Variants in BAG4 observed in about 807,000 individuals in gnomAD.
BAG4 encodes the protein BAG family molecular chaperone regulator 4.
A neutral mutation model predicts 52.1 loss-of-function variants in BAG4; 28 were observed. The ratio of observed to expected loss-of-function variants is 0.54; its 90% CI spans 0.40 to 0.74. The LOEUF (loss-of-function observed/expected upper bound fraction) is 0.74, where lower values mean the gene tolerates loss of function less well. Among genes scored for constraint, BAG4 ranks in the 30% least tolerant of loss-of-function variants. The pLI, the probability that BAG4 is intolerant of heterozygous loss-of-function variation, is 0.00. For missense variants in BAG4, 525 were observed against 572.0 expected (o/e 0.92, Z 0.84); for synonymous variants, 208 against 217.0 (o/e 0.96, Z 0.37).
chr8:38,181,017 C>T (rs189415420), intron 1 of BAG4, among the ~76,000 whole-genome samples: 104 of 151,348 alleles, frequency 6.9e-4, no homozygotes, highest in African/African-American at 2.4e-3. Flanking sequence ...CTCGGCTCAC[C>T]GCAAGCTCCG....
rs1803845031 is a variant in BAG4 at position 38,210,285 on chromosome 8, A to C, written c.1166A>C (p.Lys389Thr). The change falls in exon 5 of 5, where the codon AAG (lysine) becomes ACG (threonine). Residue 389 changes from lysine to threonine, a missense_variant. Lys to Thr is a moderately conservative substitution (Grantham distance 78). Transcript: ENST00000287322. ...SIKKIIHVLE[K>T]VQYLEQEVEE... ...AAAAAAATCATACATGTGCTGGAGA[A>C]GGTCCAGTATCTTGAACAAGAAGTA... is the stretch of plus-strand genomic sequence containing the variant. 1.9e-6 allele frequency: 3 copies of C among 1,614,112 alleles called. No homozygotes were observed. Among genetic ancestry groups the C allele is most frequent in the Non-Finnish European group, 2.5e-6 (3 of 1,180,046 alleles).
chr8:38,190,619 G>GTTA (rs1803458584), intron 1 of BAG4, among the ~76,000 whole-genome samples: 5 of 147,838 alleles, frequency 3.4e-5, no homozygotes, highest in Non-Finnish European at 6.0e-5. Flanking sequence ...TTTTTTTTTG[G>GTTA]GTAAAGACTG....
intron 2 of BAG4, among the ~76,000 whole-genome samples, chr8:38,196,309 A>G (rs1346109637): frequency 1.3e-5 from 2 of 152,164 alleles, no homozygotes; most frequent in Non-Finnish European, 2.9e-5. Context: ...TCAGCAATGT[A>G]TGAGGGCTCT....
At chr8:38,199,422 C>A (rs1188111992) in intron 2 of BAG4, among the ~76,000 whole-genome samples, 1 of 152,102 alleles carries the variant, frequency 6.6e-6, no homozygotes, top group Non-Finnish European at 1.5e-5. Context: ...TAATTTTGAT[C>A]AAGTGCAATT....
intron 2 of BAG4, among the ~76,000 whole-genome samples, chr8:38,197,742 C>G (rs1803587037): frequency 6.6e-6 from 1 of 152,184 alleles, no homozygotes; most frequent in African/African-American, 2.4e-5. Context: ...CTCTGTCCCC[C>G]AGACTGGGGT....
At chr8:38,197,377 T>C (rs1803579295) in intron 2 of BAG4, among the ~76,000 whole-genome samples, 1 of 152,208 alleles carries the variant, frequency 6.6e-6, no homozygotes, top group Non-Finnish European at 1.5e-5. Flanking sequence ...TACTGAATAC[T>C]GTAAGCAATT....
At position 38,207,654 on chromosome 8, in the gene BAG4, G is replaced by A. The variant is rs770285002; in HGVS notation, c.521G>A (p.Arg174His). 8.7e-6 allele frequency: 14 copies of A among 1,613,910 alleles called. No homozygotes were observed. Among genetic ancestry groups the A allele is most frequent in the Middle Eastern group, 1.6e-4 (1 of 6,062 alleles). Residue 174 changes from arginine (R) to histidine (H), a missense_variant, in exon 3 of 5, where the codon CGT becomes CAT. Physicochemically the swap from Arg to His is conservative, Grantham distance 29 (BLOSUM62 0). Coordinates refer to ENST00000287322, the MANE Select transcript of BAG4 (RefSeq NM_004874.4). Reference sequence around the variant, plus strand: ...TCCACAGAAGTTCCAAGTACTTACCGTTCATCTGGCAACAGCCCAACTCCA... The same window carrying A: ...TCCACAGAAGTTCCAAGTACTTACCATTCATCTGGCAACAGCCCAACTCCA... Reference protein sequence around the residue: ...SYSTEVPSTYRSSGNSPTPVS... With the variant: ...SYSTEVPSTYHSSGNSPTPVS...
intron 2 of BAG4, chr8:38,203,073 C>T (rs986530874): frequency 6.6e-6 from 1 of 152,130 alleles, no homozygotes. Flanking sequence ...TTCAGATGCG[C>T]ATACCATAGA....
Position 38,212,536 on chromosome 8 carries a change from GT to G in BAG4, c.*2046del. 1 of 152,170 alleles carries G rather than the reference GT, an allele frequency of 6.6e-6. No individual in the cohort carries two copies. The allele number at this position is 152,170 out of a possible 1,614,324, so 9.4% of individuals were successfully genotyped here. On this transcript the variant is annotated 3_prime_UTR_variant, in exon 5 of 5. Coordinates refer to ENST00000287322, the MANE Select transcript of BAG4 (RefSeq NM_004874.4). ...GATATAATACTAACTAAAGTAGAAAGTTTAAAAAGTAGAGATTTTAGTCTTT... is the reference window on the plus strand; with the variant it reads ...GATATAATACTAACTAAAGTAGAAAGTTAAAAAGTAGAGATTTTAGTCTTT...
At position 38,213,196 on chromosome 8, in the gene BAG4, A is replaced by C. The variant is rs1220334731; in HGVS notation, c.*2703A>C. 1.3e-5 allele frequency: 2 copies of C among 152,204 alleles called. No individual in the cohort carries two copies. Among genetic ancestry groups the C allele is most frequent in the African/African-American group, 4.8e-5 (2 of 41,464 alleles). 9.4% of individuals were successfully genotyped at this position (152,204 alleles called of 1,614,324 possible). ...TTGGACTGAATTCAAAGTTTTCTTG[A>C]AATTTCACATCTGGACTTTTTAAAG... is the stretch of plus-strand genomic sequence containing the variant. On this transcript the variant is annotated 3_prime_UTR_variant, in exon 5 of 5. Coordinates refer to ENST00000287322, the MANE Select transcript of BAG4 (RefSeq NM_004874.4).
Position 38,209,286 on chromosome 8 carries a change from GT to G in BAG4, c.888+21del, listed in dbSNP as rs1456153288. 1 of 1,613,850 alleles carries G rather than the reference GT, an allele frequency of 6.2e-7. No individual in the cohort carries two copies. The highest frequency in any genetic ancestry group is 8.5e-7 in the Non-Finnish European group (1 of 1,179,954). ...GCCCAAGGTAGGAGACCTAAATGTT[GT>G]TCCTTTAATGTGTGTGTAATTAGGA... is the stretch of plus-strand genomic sequence containing the variant. On this transcript the variant is annotated intron_variant, in intron 4 of 4. Transcript: ENST00000287322.
chr8:38,188,641 ATACATGTATACATATATACATG>A (rs1563280632), intron 1 of BAG4, among the ~76,000 whole-genome samples: 35 of 234 alleles, frequency 0.15, no homozygotes, highest in African/African-American at 0.19. Context: ...ATATACATAT[ATACATGTATACATATATACATG>A]TATACATATA....
Position 38,211,203 on chromosome 8 carries a change from T to C in BAG4, c.*710T>C, listed in dbSNP as rs1159809214. On this transcript the variant is annotated 3_prime_UTR_variant, in exon 5 of 5. Coordinates refer to ENST00000287322, the MANE Select transcript of BAG4 (RefSeq NM_004874.4). ...TCATTAGGTTAGAGTTTTTTTCTTC[T>C]TTTTTTTTTTTTTTTTTTTTTACCA... The C allele has an allele frequency of 1.1e-5, 1 of 89,922 alleles. No homozygotes were observed. Among genetic ancestry groups the C allele is most frequent in the African/African-American group, 4.2e-5 (1 of 23,888 alleles). The allele number at this position is 89,922 out of a possible 1,614,324, so 5.6% of individuals were successfully genotyped here.
At chr8:38,208,874 A>G in intron 3 of BAG4, 139 bp from the exon 4 acceptor site, 1 of 1,091,298 alleles carries the variant, frequency 9.2e-7, no homozygotes, top group Non-Finnish European at 1.3e-6. Flanking sequence ...GATTAATTAG[A>G]TTTACTACAG....
intron 1 of BAG4, among the ~76,000 whole-genome samples, chr8:38,178,726 C>G (rs1803213251): frequency 6.6e-6 from 1 of 152,182 alleles, no homozygotes; most frequent in African/African-American, 2.4e-5. Context: ...TTGTGTGATT[C>G]CATTTATATG....
intron 1 of BAG4, among the ~76,000 whole-genome samples, chr8:38,191,776 A>AAC (rs1803479114): frequency 6.6e-6 from 1 of 151,942 alleles, no homozygotes; most frequent in Non-Finnish European, 1.5e-5. Flanking sequence ...AAAAAAAAAA[A>AAC]AAAAAACCCT....
At chr8:38,207,042 T>C (rs1294411435) in intron 2 of BAG4, among the ~76,000 whole-genome samples, 1 of 146,552 alleles carries the variant, frequency 6.8e-6, no homozygotes, top group Non-Finnish European at 1.5e-5. Flanking sequence ...AACCTCCGCC[T>C]CCTGGGTTCA....
intron 1 of BAG4, among the ~76,000 whole-genome samples, chr8:38,181,850 A>G (rs1803277791): frequency 7.4e-6 from 1 of 134,774 alleles, no homozygotes; most frequent in African/African-American, 2.7e-5. Flanking sequence ...AGATCATGCC[A>G]CGAACTCCAG....
intron 2 of BAG4, chr8:38,201,851 TATATATATATATATATATATATATATA>T (rs1803669606): frequency 2.6e-3 from 15 of 5,824 alleles, no homozygotes; most frequent in African/African-American, 4.7e-3. Context: ...TATATATATA[TATATATATATATATATATATATATATA>T]TATTTTTTTT....
Sources: gnomAD v4.1 joint callset for allele counts (sites outside exome capture counted in the v4.1 genomes callset) on GRCh38, gnomAD v4.1.1 for gene constraint, MANE v1.5 for transcripts, NCBI Gene and HGNC (gene_info 2026-07-23, HGNC 2026-07-21) for gene names.